The following C11orf65 variants were observed in gnomAD, a reference collection of about 807,000 sequenced individuals.
C11orf65 encodes chromosome 11 open reading frame 65, also known as protein MFI.
C11orf65 carries 38 observed loss-of-function variants against 35.3 expected under a neutral mutation model. The ratio of observed to expected loss-of-function variants is 1.08; its 90% CI spans 0.83 to 1.41. The LOEUF is 1.41. Ranked by LOEUF, C11orf65 falls within the 40% of genes most tolerant of loss-of-function variation. C11orf65 has a pLI of 0.00. For synonymous variants in C11orf65, 105 were observed against 114.4 expected (o/e 0.92, Z 0.53); for missense variants, 370 against 367.1 (o/e 1.01, Z -0.06).
At chr11:108,378,330 A>G (rs1308239161), downstream of C11orf65, among the ~76,000 whole-genome samples, 1 of 145,416 alleles carries the variant, frequency 6.9e-6, no homozygotes. Flanking sequence ...AATGCTGCAT[A>G]TCTACAACTA....
At chr11:108,466,547 T>C (rs971211965) in intron 1 of C11orf65, among the ~76,000 whole-genome samples, 3 of 152,220 alleles carry the variant, frequency 2.0e-5, no homozygotes, top group Non-Finnish European at 2.9e-5. Context: ...GCACTCAGCC[T>C]GGGCAACACA....
chr11:108,417,283 C>G (rs1005452418), intron 3 of C11orf65, among the ~76,000 whole-genome samples: 3 of 152,108 alleles, frequency 2.0e-5, no homozygotes, highest in African/African-American at 7.2e-5. Flanking sequence ...CGGCTCACAC[C>G]TGTAATCCCA....
intron 2 of C11orf65, among the ~76,000 whole-genome samples, chr11:108,455,613 C>T (rs1372325339): frequency 2.6e-5 from 4 of 151,160 alleles, no homozygotes; most frequent in Admixed American, 2.0e-4. Flanking sequence ...GTCAGGAGTT[C>T]GAGACCAGAC....
chr11:108,385,762 TAAC>T (rs1193314914), intron 8 of C11orf65, among the ~76,000 whole-genome samples, 155 bp downstream of exon 8: 1 of 152,126 alleles, frequency 6.6e-6, no homozygotes, highest in African/African-American at 2.4e-5. Flanking sequence ...TATTCCCAAA[TAAC>T]AATCTTACAT....
intron 6 of C11orf65, among the ~76,000 whole-genome samples, chr11:108,399,861 T>A (rs1279783949): frequency 6.6e-6 from 1 of 152,206 alleles, no homozygotes; most frequent in Non-Finnish European, 1.5e-5. Flanking sequence ...CAATTGCAAA[T>A]CTGGAACAGA....
In C11orf65 at chr11:108,408,683, T is replaced by TAAAA. The variant is rs1373369961; in HGVS notation, c.175-1538_175-1535dup. On this transcript the variant is annotated intron_variant, in intron 3 of 8. Transcript: ENST00000393084. ...AGAGACTCTGTCTCAATAAATAAAA[T>TAAAA]AAAATAAAATAAAATAAAATAAAAT... Among the ~76,000 whole-genome samples the TAAAA allele has an allele frequency of 4.4e-3, 317 of 72,808 alleles. 4 individuals are homozygous for TAAAA. The highest frequency in any genetic ancestry group is 0.013 in the African/African-American group (293 of 21,952). The allele number at this position is 72,808 out of a possible 152,430, so 47.8% of individuals were successfully genotyped here.
intron 6 of C11orf65, among the ~76,000 whole-genome samples, chr11:108,322,619 G>A (rs1334294123): frequency 6.6e-6 from 1 of 152,182 alleles, no homozygotes; most frequent in African/African-American, 2.4e-5. Context: ...AGTTACTCAG[G>A]ATGCTGTAGA....
At chr11:108,397,302 G>C (rs1247482836) in intron 6 of C11orf65, among the ~76,000 whole-genome samples, 1 of 144,462 alleles carries the variant, frequency 6.9e-6, no homozygotes, top group Non-Finnish European at 1.5e-5. Flanking sequence ...CTGGGCAGCA[G>C]AGCAAGACTC....
chr11:108,314,488 G>A (rs572074921), intron 6 of C11orf65, among the ~76,000 whole-genome samples: 2 of 151,790 alleles, frequency 1.3e-5, no homozygotes, highest in East Asian at 3.9e-4. Context: ...AGCCTGGTAG[G>A]TCGGTACTTA....
intron 2 of C11orf65, among the ~76,000 whole-genome samples, chr11:108,452,649 G>A (rs1439676683): frequency 6.6e-6 from 1 of 152,070 alleles, no homozygotes; most frequent in East Asian, 1.9e-4. Context: ...CCCATTACTG[G>A]GTGTATATCC....
chr11:108,414,932 A>G (rs760164773), intron 3 of C11orf65, among the ~76,000 whole-genome samples: 7 of 152,158 alleles, frequency 4.6e-5, no homozygotes, highest in Non-Finnish European at 8.8e-5. Context: ...AAGAAAAGTC[A>G]TATGATCATA....
At chr11:108,431,950 G>A (rs2092996285) in intron 2 of C11orf65, 112 bp from the exon 3 acceptor site, 1 of 518,378 alleles carries the variant, frequency 1.9e-6, no homozygotes, top group Non-Finnish European at 3.4e-6. Context: ...AGATTTTTAT[G>A]TATCCACACT....
chr11:108,317,464 A>G, intron 6 of C11orf65: 1 of 1,612,824 alleles, frequency 6.2e-7, no homozygotes, highest in East Asian at 2.2e-5. Context: ...GAACTAGAAG[A>G]ACTTCATTAC....
chr11:108,369,639 C>G (rs1309250400), intron 2 of C11orf65, among the ~76,000 whole-genome samples: 6 of 152,026 alleles, frequency 3.9e-5, no homozygotes, highest in Admixed American at 3.9e-4. Context: ...AGACATTATC[C>G]TCTGAAAAAT....
intron 3 of C11orf65, among the ~76,000 whole-genome samples, chr11:108,418,170 A>G (rs1039250664): frequency 2.6e-4 from 40 of 152,204 alleles, no homozygotes; most frequent in African/African-American, 4.6e-4. Context: ...CTTTTAATAC[A>G]TATCTCTCAG....
At chr11:108,430,625 C>G (rs1209259366) in intron 3 of C11orf65, among the ~76,000 whole-genome samples, 1 of 151,988 alleles carries the variant, frequency 6.6e-6, no homozygotes, top group Non-Finnish European at 1.5e-5. Context: ...AGGCAGATCA[C>G]TTGAGTCCAG....
chr11:108,450,528 A>G (rs1254232043), intron 2 of C11orf65, among the ~76,000 whole-genome samples: 1 of 150,462 alleles, frequency 6.6e-6, no homozygotes, highest in African/African-American at 2.5e-5. Context: ...GCAAGAACAA[A>G]AAACCAAACA....
At chr11:108,368,574 C>G (rs1393930026) in intron 2 of C11orf65, 1 of 217,986 alleles carries the variant, frequency 4.6e-6, no homozygotes, top group Non-Finnish European at 9.2e-6. Context: ...GTAATATGGA[C>G]AGTATCTAAC....
At chr11:108,314,613 G>A (rs1344766233) in intron 6 of C11orf65, among the ~76,000 whole-genome samples, 2 of 152,084 alleles carry the variant, frequency 1.3e-5, no homozygotes, top group Non-Finnish European at 2.9e-5. Context: ...ATATACAGTT[G>A]ACCCTTGAAC....
Sources: gnomAD v4.1 joint callset for allele counts (sites outside exome capture counted in the v4.1 genomes callset) on GRCh38, gnomAD v4.1.1 for gene constraint, MANE v1.5 for transcripts, NCBI Gene and HGNC (gene_info 2026-07-23, HGNC 2026-07-21) for gene names.